The following DCTN6 variants were observed in gnomAD, a reference collection of about 807,000 sequenced individuals.
DCTN6 encodes the protein dynactin 6.
A neutral mutation model predicts 25.8 loss-of-function variants in DCTN6; 15 were observed. The ratio of observed to expected loss-of-function variants is 0.58; its 90% CI spans 0.39 to 0.89. DCTN6 has a LOEUF of 0.89. DCTN6 is among the 40% of genes least tolerant of loss of function. The pLI is 0.00. For missense variants in DCTN6, 198 were observed against 237.6 expected, an observed-to-expected ratio of 0.83 and a Z score of 1.09; for synonymous variants, 64 against 78.3, an observed-to-expected ratio of 0.82 and a Z score of 0.96.
chr8:30,168,560 G>T (rs1291790583), intron 2 of DCTN6, among the ~76,000 whole-genome samples: 2 of 151,998 alleles, frequency 1.3e-5, no homozygotes, highest in African/African-American at 4.8e-5. Context: ...TTTTTTTCAG[G>T]ATGTTTTGTG....
At chr8:30,178,457 G>A (rs988859434) in intron 4 of DCTN6, among the ~76,000 whole-genome samples, 4 of 134,888 alleles carry the variant, frequency 3.0e-5, no homozygotes, top group Admixed American at 8.2e-5. Context: ...GCGAAACTCC[G>A]TCTCAAAAAG....
At chr8:30,161,914 A>AT (rs1159876763) in intron 1 of DCTN6, among the ~76,000 whole-genome samples, 2 of 142,690 alleles carry the variant, frequency 1.4e-5, no homozygotes, top group Non-Finnish European at 3.1e-5. Flanking sequence ...CGCCCGGCTA[A>AT]TTTTTTGTAT....
chr8:30,164,206 G>A lies in DCTN6; in HGVS notation c.88+31G>A, dbSNP rs771779791. On this transcript the variant is annotated intron_variant, in intron 2 of 6. Coordinates refer to ENST00000221114, the MANE Select transcript of DCTN6 (RefSeq NM_006571.4). ...AAATAGTTTATTTACTGTTTTTCAA[G>A]AATTGATGTGATTTAATCTATTTTA... is the stretch of plus-strand genomic sequence containing the variant. The A allele has an allele frequency of 9.9e-6, 15 of 1,522,328 alleles. No homozygotes were observed. In the African/African-American group the frequency reaches 1.9e-4, roughly 19 times the overall value. The allele number at this position is 1,522,328 out of a possible 1,614,324, so 94.3% of individuals were successfully genotyped here. A position where few individuals can be genotyped will look rare whatever the true frequency, so the allele number is the denominator to read the frequency against.
intron 5 of DCTN6, among the ~76,000 whole-genome samples, chr8:30,180,098 A>G (rs1037433167): frequency 6.6e-6 from 1 of 152,224 alleles, no homozygotes; most frequent in African/African-American, 2.4e-5. Flanking sequence ...TGGATTATCA[A>G]TTATCACTAT....
At chr8:30,175,876 T>C (rs1803826187) in intron 3 of DCTN6, among the ~76,000 whole-genome samples, 1 of 152,176 alleles carries the variant, frequency 6.6e-6, no homozygotes, top group Admixed American at 6.6e-5. Flanking sequence ...TATTTAACTG[T>C]CAGAAAAAGA....
At chr8:30,165,366 C>T (rs968959626) in intron 2 of DCTN6, among the ~76,000 whole-genome samples, 2 of 151,014 alleles carry the variant, frequency 1.3e-5, no homozygotes, top group African/African-American at 4.9e-5. Context: ...TGCTACCAGA[C>T]TAAAGTGTTC....
chr8:30,170,047 C>T (rs1324945669), intron 2 of DCTN6, among the ~76,000 whole-genome samples: 4 of 152,026 alleles, frequency 2.6e-5, no homozygotes, highest in Non-Finnish European at 4.4e-5. Context: ...GTGGTGGGCT[C>T]CTGTAGTCCC....
At chr8:30,156,514 G>A (rs1803527073) in intron 1 of DCTN6, 108 bp downstream of exon 1, 2 of 1,346,858 alleles carry the variant, frequency 1.5e-6, no homozygotes, top group African/African-American at 1.5e-5. Context: ...CTGGGCATTC[G>A]GGCCGAAGGT....
chr8:30,161,655 G>A (rs995676783), intron 1 of DCTN6, among the ~76,000 whole-genome samples: 4 of 152,130 alleles, frequency 2.6e-5, no homozygotes, highest in South Asian at 2.1e-4. Flanking sequence ...CTGGGAGGGG[G>A]GAAGAGGTTT....
chr8:30,171,414 CAA>C (rs1803762109), intron 2 of DCTN6, among the ~76,000 whole-genome samples: 1 of 151,904 alleles, frequency 6.6e-6, no homozygotes, highest in African/African-American at 2.4e-5. Flanking sequence ...CATAACTGGC[CAA>C]TTTTTTTTTA....
intron 5 of DCTN6, 33 bp downstream of exon 5, chr8:30,179,488 A>G (rs1438736224): frequency 3.2e-6 from 5 of 1,586,076 alleles, no homozygotes; most frequent in Non-Finnish European, 2.6e-6. Flanking sequence ...TTGTCAAAGC[A>G]GTGACCTCTT....
chr8:30,156,992 C>T (rs2117569630), intron 1 of DCTN6, among the ~76,000 whole-genome samples: 1 of 152,296 alleles, frequency 6.6e-6, no homozygotes, highest in South Asian at 2.1e-4. Flanking sequence ...AGATTTGTTG[C>T]ATAGATAAAT....
intron 3 of DCTN6, 76 bp downstream of exon 3, chr8:30,175,266 C>A (rs1344291845): frequency 7.7e-7 from 1 of 1,291,792 alleles, no homozygotes; most frequent in Non-Finnish European, 1.1e-6. Flanking sequence ...CTGTAAGAAC[C>A]TTTTCAGCTG....
chr8:30,176,983 GA>G (rs1362131334), intron 3 of DCTN6, 142 bp from the exon 4 acceptor site: 3 of 605,404 alleles, frequency 5.0e-6, no homozygotes, highest in East Asian at 5.9e-5. Context: ...AAAAAAGAAA[GA>G]AAAAAAGAAA....
chr8:30,169,531 G>T (rs1660390044), intron 2 of DCTN6, among the ~76,000 whole-genome samples: 3 of 152,172 alleles, frequency 2.0e-5, no homozygotes, highest in South Asian at 2.1e-4. Context: ...GCCAAATAGG[G>T]CTTCAGCACA....
At chr8:30,158,839 T>A (rs1803561236) in intron 1 of DCTN6, among the ~76,000 whole-genome samples, 1 of 134,802 alleles carries the variant, frequency 7.4e-6, no homozygotes, top group Non-Finnish European at 1.6e-5. Context: ...TGGAGTGCAG[T>A]GGCACAATCT....
intron 2 of DCTN6, among the ~76,000 whole-genome samples, chr8:30,164,887 GC>G (rs1475843137): frequency 6.6e-6 from 1 of 152,186 alleles, no homozygotes; most frequent in East Asian, 1.9e-4. Context: ...CCTTTAAACA[GC>G]CTTCCTGAAA....
At chr8:30,157,481 C>G (rs1183424978) in intron 1 of DCTN6, among the ~76,000 whole-genome samples, 1 of 152,208 alleles carries the variant, frequency 6.6e-6, no homozygotes, top group African/African-American at 2.4e-5. Flanking sequence ...ATTGGTAGCT[C>G]TATATGGATT....
Position 30,177,131 on chromosome 8 carries a change from C to T in DCTN6, c.200C>T (p.Pro67Leu). 1 of 1,611,004 alleles carries T rather than the reference C, an allele frequency of 6.2e-7. No individual in the cohort carries two copies. The highest frequency in any genetic ancestry group is 8.5e-7 in the Non-Finnish European group (1 of 1,178,288). Residue 67 changes from proline (P) to leucine (L), a missense_variant, in exon 4 of 7, where the codon CCA becomes CTA. Coordinates refer to ENST00000221114, the MANE Select transcript of DCTN6 (RefSeq NM_006571.4). ...EEQALIINAY[P>L]DNITPDTEDP... ...TTTGTTTCTTCTGTTTACAGTTACC[C>T]AGATAATATCACTCCTGACACTGAA...
Sources: gnomAD v4.1 joint callset for allele counts (sites outside exome capture counted in the v4.1 genomes callset) on GRCh38, gnomAD v4.1.1 for gene constraint, MANE v1.5 for transcripts, NCBI Gene and HGNC (gene_info 2026-07-23, HGNC 2026-07-21) for gene names.